Variants in THADA observed in about 807,000 individuals in gnomAD.
The protein encoded by THADA is THADA armadillo repeat containing.
Under a neutral mutation model 219.8 loss-of-function variants are expected in THADA, and 213 were observed. The ratio of observed to expected loss-of-function variants is 0.97; its 90% CI spans 0.87 to 1.09. The LOEUF (loss-of-function observed/expected upper bound fraction) is 1.09, where lower values mean the gene tolerates loss of function less well. Ranked by LOEUF, THADA falls within the 50% of genes least tolerant of loss-of-function variation. THADA has a pLI of 0.00. For missense variants in THADA, 2,956 were observed against 2,311.3 expected (o/e 1.28, Z -5.72); for synonymous variants, 1,018 against 828.9 (o/e 1.23, Z -3.92).
At chr2:43,320,371 A>T in intron 31 of THADA, 75 bp downstream of exon 31, 2 of 1,055,842 alleles carry the variant, frequency 1.9e-6, no homozygotes, top group Non-Finnish European at 2.9e-6. Context: ...AGTGTGTGGC[A>T]GAGCCACTCA....
At chr2:43,540,922 G>C (rs906893079) in intron 21 of THADA, among the ~76,000 whole-genome samples, 1 of 152,110 alleles carries the variant, frequency 6.6e-6, no homozygotes, top group Non-Finnish European at 1.5e-5. Context: ...ACAGTTAAAA[G>C]TGAGGTAAAA....
intron 21 of THADA, among the ~76,000 whole-genome samples, chr2:43,528,345 G>T (rs763824345): frequency 2.0e-5 from 3 of 152,062 alleles, no homozygotes; most frequent in East Asian, 3.9e-4. Flanking sequence ...GGCCAGGCTG[G>T]TCTCTAACTC....
chr2:43,353,276 T>C lies in THADA; in HGVS notation c.4228-9039A>G, dbSNP rs532828554. ...CACACTGTTTTCCATCATGGAGGCA[T>C]CAATCTGCGTGCCCACTCACAGGAT... On this transcript the variant is annotated intron_variant, in intron 29 of 37. Coordinates refer to ENST00000405975, the MANE Select transcript of THADA (RefSeq NM_022065.5). Among the ~76,000 whole-genome samples the C allele has an allele frequency of 1.7e-3, 261 of 152,320 alleles. 2 individuals carry two copies. Among genetic ancestry groups the C allele is most frequent in the Middle Eastern group, 0.01 (3 of 294 alleles).
At chr2:43,310,382 T>G (rs763928268) in intron 31 of THADA, among the ~76,000 whole-genome samples, 11 of 152,076 alleles carry the variant, frequency 7.2e-5, no homozygotes, top group Non-Finnish European at 1.5e-4. Context: ...GCTCCTGGCA[T>G]AAGGATAGAT....
At chr2:43,325,579 A>G (rs1558582711) in intron 30 of THADA, among the ~76,000 whole-genome samples, 2 of 151,958 alleles carry the variant, frequency 1.3e-5, no homozygotes, top group African/African-American at 4.8e-5. Context: ...GAGGAAGGGA[A>G]GAGGAGAGAG....
chr2:43,538,797 C>T (rs539749842), intron 21 of THADA, among the ~76,000 whole-genome samples: 13 of 152,228 alleles, frequency 8.5e-5, no homozygotes, highest in African/African-American at 3.1e-4. Context: ...ATCCTTCCAG[C>T]TCTAATGGTT....
chr2:43,571,679 C>A (rs1269489671), intron 13 of THADA, 28 bp downstream of exon 13: 1 of 1,598,406 alleles, frequency 6.3e-7, no homozygotes, highest in Non-Finnish European at 8.5e-7. Context: ...TTCACCACTT[C>A]CCTATGCCTT....
rs772988472 is a variant in THADA at position 43,581,728 on chromosome 2, T to C, written c.721+13A>G. On this transcript the variant is annotated intron_variant, in intron 8 of 37. Coordinates refer to ENST00000405975, the MANE Select transcript of THADA (RefSeq NM_022065.5). Reference sequence around the variant, plus strand: ...CAATTATATATCATTTGTATATAATTTGTTACACTTACCATCGCTTAAAAC... The same window carrying C: ...CAATTATATATCATTTGTATATAATCTGTTACACTTACCATCGCTTAAAAC... The C allele has an allele frequency of 6.2e-7, 1 of 1,602,286 alleles. No homozygotes were observed. The highest frequency in any genetic ancestry group is 1.7e-5 in the Admixed American group (1 of 57,228).
chr2:43,240,087 GAC>G (rs1668461290), intron 36 of THADA, among the ~76,000 whole-genome samples: 3 of 152,194 alleles, frequency 2.0e-5, no homozygotes, highest in Non-Finnish European at 4.4e-5. Context: ...GTAATCAAAA[GAC>G]AGAAAGGAAA....
At chr2:43,259,010 A>G (rs1482424902) in intron 36 of THADA, among the ~76,000 whole-genome samples, 1 of 152,220 alleles carries the variant, frequency 6.6e-6, no homozygotes, top group Non-Finnish European at 1.5e-5. Context: ...CTTCTGGAGC[A>G]CTAAGGAACC....
At chr2:43,233,399 A>G (rs371874669) in intron 36 of THADA, 2 of 153,262 alleles carry the variant, frequency 1.3e-5, no homozygotes, top group East Asian at 3.8e-4. Flanking sequence ...AGCCATGGAC[A>G]ATCTGTAAAC....
At chr2:43,423,683 C>T (rs1021646226) in intron 28 of THADA, among the ~76,000 whole-genome samples, 4 of 152,132 alleles carry the variant, frequency 2.6e-5, no homozygotes, top group East Asian at 3.9e-4. Flanking sequence ...CCGCCCGCCT[C>T]GGCCTCTGAG....
At chr2:43,513,699 TA>T (rs1454685814) in intron 22 of THADA, among the ~76,000 whole-genome samples, 1 of 151,988 alleles carries the variant, frequency 6.6e-6, no homozygotes, top group Non-Finnish European at 1.5e-5. Flanking sequence ...AAGAGATCAG[TA>T]AACAAAAGGC....
At chr2:43,429,213 T>C (rs1406479709) in intron 27 of THADA, among the ~76,000 whole-genome samples, 2 of 152,104 alleles carry the variant, frequency 1.3e-5, no homozygotes, top group African/African-American at 4.8e-5. Flanking sequence ...GTTCAAGTGA[T>C]TCTCCTACCT....
intron 30 of THADA, among the ~76,000 whole-genome samples, chr2:43,325,359 T>C (rs1304766419): frequency 1.3e-5 from 2 of 152,246 alleles, no homozygotes; most frequent in Admixed American, 1.3e-4. Flanking sequence ...AAACATTTAT[T>C]AAGAGGCTAC....
intron 30 of THADA, among the ~76,000 whole-genome samples, chr2:43,333,663 A>G (rs1473856458): frequency 1.3e-5 from 2 of 152,130 alleles, no homozygotes; most frequent in Non-Finnish European, 2.9e-5. Context: ...GCTTCCCTTA[A>G]AGTTTTGGCA....
intron 35 of THADA, among the ~76,000 whole-genome samples, chr2:43,283,853 A>T (rs1023047833): frequency 6.6e-6 from 1 of 152,244 alleles, no homozygotes. Flanking sequence ...TCTGGGAAGA[A>T]ATTCAAGCCT....
intron 36 of THADA, among the ~76,000 whole-genome samples, chr2:43,264,859 C>G (rs1671345490): frequency 6.6e-6 from 1 of 152,234 alleles, no homozygotes; most frequent in African/African-American, 2.4e-5. Flanking sequence ...GTGAACATGA[C>G]AACCATTTCC....
At chr2:43,593,369 G>C (rs772267153) in intron 1 of THADA, among the ~76,000 whole-genome samples, 2 of 152,146 alleles carry the variant, frequency 1.3e-5, no homozygotes, top group African/African-American at 2.4e-5. Context: ...ACAGAAGTCA[G>C]CCATATCAGA....
Sources: allele counts gnomAD v4.1 joint callset (sites outside exome capture counted in the v4.1 genomes callset), GRCh38; gene constraint gnomAD v4.1.1; transcripts MANE v1.5; gene names NCBI Gene and HGNC (gene_info 2026-07-23, HGNC 2026-07-21).